The following DYSF variants were observed in gnomAD, a reference collection of about 807,000 sequenced individuals.
DYSF encodes the protein dysferlin, also known as dystrophy-associated fer-1-like 1.
Under a neutral mutation model 274.9 loss-of-function variants are expected in DYSF, and 212 were observed. The observed-to-expected ratio is 0.77, with a 90% CI of 0.69 to 0.86. DYSF has a LOEUF of 0.86. Ranked by LOEUF, DYSF falls within the 40% of genes least tolerant of loss-of-function variation. The probability of loss-of-function intolerance (pLI) is 0.00; values close to 1 mark genes in which losing one functional copy is unlikely to be tolerated. For missense variants in DYSF, 2,666 were observed against 2,783.2 expected (o/e 0.96, Z 0.95); for synonymous variants, 1,091 against 1,078.7 (o/e 1.01, Z -0.22).
chr2:71,500,140 T>C (rs978746022), intron 3 of DYSF, among the ~76,000 whole-genome samples: 3 of 152,126 alleles, frequency 2.0e-5, no homozygotes, highest in Non-Finnish European at 4.4e-5. Context: ...AAGCCACATC[T>C]CCTCCATCCC....
At chr2:71,610,915 T>C (rs1478329140) in intron 36 of DYSF, 1 of 398,294 alleles carries the variant, frequency 2.5e-6, no homozygotes, top group Non-Finnish European at 4.8e-6. Flanking sequence ...ACGCATATGC[T>C]GTGTGCGTAT....
At chr2:71,540,454 C>T (rs1330986608) in intron 17 of DYSF, among the ~76,000 whole-genome samples, 2 of 151,994 alleles carry the variant, frequency 1.3e-5, no homozygotes, top group Non-Finnish European at 2.9e-5. Context: ...TCAAAATTGC[C>T]CTTCAAAAAG....
intron 24 of DYSF, among the ~76,000 whole-genome samples, chr2:71,567,506 A>C (rs930495198): frequency 5.9e-5 from 9 of 152,366 alleles, no homozygotes; most frequent in African/African-American, 2.2e-4. Flanking sequence ...TACTGGCCAC[A>C]TTTCAAATGC....
At chr2:71,495,996 C>T (rs571067036) in intron 3 of DYSF, among the ~76,000 whole-genome samples, 1 of 151,920 alleles carries the variant, frequency 6.6e-6, no homozygotes, top group South Asian at 2.1e-4. Flanking sequence ...TGCCAGCTAC[C>T]GTGATGCAGA....
chr2:71,581,692 G>A (rs1386269929), intron 30 of DYSF, among the ~76,000 whole-genome samples: 1 of 152,214 alleles, frequency 6.6e-6, no homozygotes, highest in Non-Finnish European at 1.5e-5. Flanking sequence ...CTAATTTGCT[G>A]TGTAGCCCCA....
intron 30 of DYSF, among the ~76,000 whole-genome samples, chr2:71,583,758 T>G (rs2092973276): frequency 6.6e-6 from 1 of 152,136 alleles, no homozygotes; most frequent in African/African-American, 2.4e-5. Context: ...CTGATTTAGG[T>G]GGGTTGAGGA....
chr2:71,682,419 TG>T, intron 54 of DYSF, 110 bp from the exon 55 acceptor site: 1 of 1,381,096 alleles, frequency 7.2e-7, no homozygotes, highest in Non-Finnish European at 1.0e-6. Context: ...GGGCAGGCGC[TG>T]GGGGTGGACT....
chr2:71,569,779 C>T lies in DYSF; in HGVS notation c.2865-41C>T. On this transcript the variant is annotated intron_variant, in intron 26 of 55. Transcript: ENST00000410020. ...AGGTGGTAGATGGATGGGGGCCTCT[C>T]CAGCAGAGCAGCAGAGACTCTGACC... The T allele has an allele frequency of 3.2e-6, 5 of 1,550,128 alleles. 1 individual carries two copies. Among genetic ancestry groups the T allele is most frequent in the Middle Eastern group, 3.4e-4 (2 of 5,798 alleles).
chr2:71,628,740 A>G (rs912952331), intron 41 of DYSF, among the ~76,000 whole-genome samples: 3 of 152,148 alleles, frequency 2.0e-5, no homozygotes, highest in African/African-American at 7.2e-5. Context: ...CATTGAGCTC[A>G]GGAGTTCGAG....
In DYSF at chr2:71,600,761, G is replaced by T. The variant is rs1473206505; in HGVS notation, c.3816G>T (p.Arg1272=). The T allele has an allele frequency of 1.1e-5, 17 of 1,613,690 alleles. No homozygotes were observed. Among genetic ancestry groups the T allele is most frequent in the Non-Finnish European group, 1.4e-5 (17 of 1,180,048 alleles). ...AACCGAGTCTGGAACGGATGCCACGGCTGGCCTGGTTCCCACTGACGAGGG... is the reference window on the plus strand; with the variant it reads ...AACCGAGTCTGGAACGGATGCCACGTCTGGCCTGGTTCCCACTGACGAGGG... The part of the protein sequence containing the change: ...ICQPSLERMP[R]LAWFPLTRGS... The change falls in exon 34 of 56, where the codon CGG becomes CGT. Residue 1272 remains arginine (R), a synonymous_variant. Coordinates refer to ENST00000410020, the MANE Select transcript of DYSF (RefSeq NM_001130987.2).
intron 32 of DYSF, 55 bp downstream of exon 32, chr2:71,590,343 G>A: frequency 6.3e-7 from 1 of 1,597,664 alleles, no homozygotes; most frequent in Non-Finnish European, 8.6e-7. Flanking sequence ...TCTGGGAATG[G>A]AGACATCTGG....
chr2:71,549,294 C>T (rs1161604204), intron 17 of DYSF: 31 of 1,557,382 alleles, frequency 2.0e-5, no homozygotes, highest in Middle Eastern at 1.7e-4. Flanking sequence ...TCATGTAACC[C>T]GTCCTTCTCC....
At chr2:71,570,813 G>T in intron 29 of DYSF, 72 bp downstream of exon 29, 1 of 1,595,396 alleles carries the variant, frequency 6.3e-7, no homozygotes, top group Non-Finnish European at 8.5e-7. Context: ...ATGCAGACCT[G>T]CATGCCCACA....
chr2:71,610,665 AGTT>A (rs1037969547), intron 36 of DYSF: 1 of 158,664 alleles, frequency 6.3e-6, no homozygotes, highest in Middle Eastern at 2.9e-3. Flanking sequence ...CCCATTGCTC[AGTT>A]GTTCTCTTTC....
Position 71,517,658 on chromosome 2 carries a change from G to A in DYSF, c.1002+619G>A, listed in dbSNP as rs187125572. Among the ~76,000 whole-genome samples the A allele has an allele frequency of 3.7e-3, 561 of 152,212 alleles. 5 individuals are homozygous for A. The highest frequency in any genetic ancestry group is 6.2e-3 in the Non-Finnish European group (422 of 68,012). ...TTACAACTTGGAGCAAGGTGCGCAC[G>A]GGAGTTAGGCTCCTATCTTCCGACA... On this transcript the variant is annotated intron_variant, in intron 10 of 55. Transcript: ENST00000410020.
intron 22 of DYSF, among the ~76,000 whole-genome samples, chr2:71,557,124 C>T: frequency 6.6e-6 from 1 of 152,176 alleles, no homozygotes; most frequent in East Asian, 1.9e-4. Context: ...TGCCAGATGC[C>T]CAGAGCATAC....
intron 3 of DYSF, among the ~76,000 whole-genome samples, chr2:71,498,779 TA>T (rs1356278351): frequency 6.6e-6 from 1 of 152,226 alleles, no homozygotes; most frequent in Non-Finnish European, 1.5e-5. Context: ...TTTTGGAGAT[TA>T]AAGGCAAGAT....
chr2:71,674,528 C>T (rs1415749920), intron 52 of DYSF, among the ~76,000 whole-genome samples: 1 of 152,196 alleles, frequency 6.6e-6, no homozygotes, highest in African/African-American at 2.4e-5. Context: ...GTAGAGGTGG[C>T]ACTGAACACT....
At chr2:71,578,244 T>C (rs761955007) in intron 30 of DYSF, among the ~76,000 whole-genome samples, 2 of 152,116 alleles carry the variant, frequency 1.3e-5, no homozygotes, top group Non-Finnish European at 2.9e-5. Flanking sequence ...GTAGCACAGA[T>C]GTGAAGTACA....
Sources: allele counts gnomAD v4.1 joint callset (sites outside exome capture counted in the v4.1 genomes callset), GRCh38; gene constraint gnomAD v4.1.1; transcripts MANE v1.5; gene names NCBI Gene and HGNC (gene_info 2026-07-23, HGNC 2026-07-21).